The following EIF4G3 variants were observed in gnomAD, a reference collection of about 807,000 sequenced individuals.
EIF4G3 encodes the protein eukaryotic translation initiation factor 4 gamma 3, also known as eIF-4-gamma 3.
In EIF4G3, 34 loss-of-function variants were observed where a neutral mutation model predicts 186.4. The observed-to-expected ratio is 0.18, with a 90% confidence interval of 0.14 to 0.24. The LOEUF is 0.24. EIF4G3 is among the 10% of genes least tolerant of loss of function. The pLI is 1.00. For synonymous variants in EIF4G3, 673 were observed against 679.5 expected, an observed-to-expected ratio of 0.99 and a Z score of 0.15; for missense variants, 1,536 against 1,948.5, an observed-to-expected ratio of 0.79 and a Z score of 3.99.
intron 24 of EIF4G3, 145 bp downstream of exon 24, chr1:20,860,240 T>A: frequency 9.2e-7 from 1 of 1,087,822 alleles, no homozygotes; most frequent in Non-Finnish European, 1.3e-6. Context: ...ACTTTACTCT[T>A]CAGGTGAAAC....
Position 20,980,416 on chromosome 1 carries a change from G to T in EIF4G3, c.411C>A (p.Pro137=). ...YRHSGPPYVG[P]PQQYPVQPPG... ...GTGGTTGAACTGGATATTGTTGGGG[G>T]GGCCCAACATAAGGAGGGCCACTAT... The change falls in exon 10 of 37, where the codon CCC becomes CCA. Residue 137 remains proline (P), a synonymous_variant. Coordinates refer to ENST00000602326, the MANE Select transcript of EIF4G3 (RefSeq NM_001391906.1). 2 of 1,544,738 alleles carry T rather than the reference G, an allele frequency of 1.3e-6. No individual in the cohort carries two copies. Among genetic ancestry groups the T allele is most frequent in the Non-Finnish European group, 1.7e-6 (2 of 1,156,848 alleles).
At chr1:20,899,668 G>A in intron 16 of EIF4G3, 29 bp downstream of exon 16, 1 of 1,612,186 alleles carries the variant, frequency 6.2e-7, no homozygotes, top group Non-Finnish European at 8.5e-7. Flanking sequence ...GGGATAAAGA[G>A]GTACATAGGA....
chr1:21,166,595 G>T (rs12096895), intron 2 of EIF4G3, among the ~76,000 whole-genome samples: 4 of 151,952 alleles, frequency 2.6e-5, no homozygotes, highest in Non-Finnish European at 1.5e-5. Context: ...ATGTGGTGGC[G>T]TGCACCTGTA....
Position 20,942,138 on chromosome 1 carries a change from G to C in EIF4G3, c.1016C>G (p.Thr339Ser), listed in dbSNP as rs748622861. The change falls in exon 14 of 37, where the codon ACC becomes AGC. Residue 339 changes from threonine to serine, a missense_variant. Thr to Ser is a moderately conservative substitution (Grantham distance 58). Transcript: ENST00000602326. Reference protein sequence around the residue: ...SVARSTIAAPTSSALSSQPIF... With the variant: ...SVARSTIAAPSSSALSSQPIF... Reference sequence around the variant, plus strand: ...TGGTTGGCTACTAAGAGCAGAAGAGGTGGGGGCTGCAATTGTACTTCGAGC... The same window carrying C: ...TGGTTGGCTACTAAGAGCAGAAGAGCTGGGGGCTGCAATTGTACTTCGAGC... 1 of 1,614,138 alleles carries C rather than the reference G, an allele frequency of 6.2e-7. No homozygotes were observed. Among genetic ancestry groups the C allele is most frequent in the Non-Finnish European group, 8.5e-7 (1 of 1,180,000 alleles).
At chr1:21,168,073 C>T (rs1206334883) in intron 2 of EIF4G3, 3 of 470,126 alleles carry the variant, frequency 6.4e-6, no homozygotes, top group Non-Finnish European at 1.3e-5. Context: ...AAAAAGTTCA[C>T]TTATATTTCA....
intron 3 of EIF4G3, 80 bp from the exon 4 acceptor site, chr1:21,051,074 T>C (rs1480859391): frequency 2.9e-6 from 2 of 694,482 alleles, no homozygotes; most frequent in Non-Finnish European, 5.3e-6. Context: ...ATCTGATTTT[T>C]AATTGGATTT....
At chr1:20,892,951 A>G (rs2154555733) in intron 18 of EIF4G3, among the ~76,000 whole-genome samples, 1 of 152,134 alleles carries the variant, frequency 6.6e-6, no homozygotes, top group East Asian at 1.9e-4. Context: ...TTTGTCACCC[A>G]GACTGGAGTG....
intron 3 of EIF4G3, among the ~76,000 whole-genome samples, chr1:21,062,810 T>G (rs2094994059): frequency 6.6e-6 from 1 of 152,122 alleles, no homozygotes; most frequent in Non-Finnish European, 1.5e-5. Flanking sequence ...AGGCTGGTCT[T>G]GAACTCCTGA....
At chr1:20,868,237 C>T (rs1392611327) in intron 20 of EIF4G3, among the ~76,000 whole-genome samples, 1 of 151,734 alleles carries the variant, frequency 6.6e-6, no homozygotes, top group Non-Finnish European at 1.5e-5. Flanking sequence ...CCTTAATCTG[C>T]TTGGGCTGCT....
intron 12 of EIF4G3, among the ~76,000 whole-genome samples, chr1:20,959,925 TGCTGGTGGGAATGTAAA>T (rs1558444131): frequency 1.3e-5 from 2 of 152,224 alleles, no homozygotes; most frequent in African/African-American, 2.4e-5. Context: ...GCTTATATGC[TGCTGGTGGGAATGTAAA>T]ACTGGTGGGA....
chr1:21,135,950 G>C (rs367660402), intron 2 of EIF4G3, among the ~76,000 whole-genome samples: 37 of 148,904 alleles, frequency 2.5e-4, no homozygotes, highest in Middle Eastern at 7.7e-3. Context: ...TTGGGAGGCC[G>C]AGGCGGGTGG....
intron 33 of EIF4G3, among the ~76,000 whole-genome samples, chr1:20,819,098 A>G (rs1318748821): frequency 2.0e-5 from 3 of 152,234 alleles, no homozygotes. Context: ...GCTCAATATT[A>G]CAATTTTTCT....
chr1:21,163,980 G>A (rs1465209867), intron 2 of EIF4G3, among the ~76,000 whole-genome samples: 1 of 151,966 alleles, frequency 6.6e-6, no homozygotes, highest in Non-Finnish European at 1.5e-5. Flanking sequence ...CTCCATGTCG[G>A]CCAGGCTGGT....
chr1:20,961,177 G>A (rs1158500693), intron 12 of EIF4G3, among the ~76,000 whole-genome samples: 3 of 152,152 alleles, frequency 2.0e-5, no homozygotes, highest in Non-Finnish European at 2.9e-5. Flanking sequence ...GAGGTCAGGA[G>A]ATCAAGACCA....
In EIF4G3 at chr1:21,063,705, T is replaced by G. The variant is rs1202936479; in HGVS notation, c.-195-12711A>C. 1.5e-4 allele frequency among the ~76,000 whole-genome samples: 7 copies of G among 45,532 alleles called. No homozygotes were observed. The South Asian group carries it at 3.5e-3, about 23-fold the overall frequency. The allele number at this position is 45,532 out of a possible 152,430, so 29.9% of individuals were successfully genotyped here. A position where few individuals can be genotyped will look rare whatever the true frequency, so the allele number is the denominator to read the frequency against. On this transcript the variant is annotated intron_variant, in intron 3 of 36. Transcript: ENST00000602326. The stretch of plus-strand genomic sequence containing the variant: ...GTTTTTCCTGTCATACTTTTCATTT[T>G]GGGGGGGGGGGTGTTGGGGGGGGGG...
chr1:21,105,266 C>CA (rs1298435502), intron 2 of EIF4G3, among the ~76,000 whole-genome samples: 4 of 151,900 alleles, frequency 2.6e-5, no homozygotes, highest in Non-Finnish European at 5.9e-5. Context: ...CTACTAAAAA[C>CA]AAAAAATACA....
At chr1:21,129,214 C>T (rs952905875) in intron 2 of EIF4G3, among the ~76,000 whole-genome samples, 3 of 151,922 alleles carry the variant, frequency 2.0e-5, no homozygotes, top group Admixed American at 6.6e-5. Context: ...ACTCCAGAGA[C>T]TGAGGCAAGA....
chr1:21,015,112 G>A (rs2088543062), intron 4 of EIF4G3, among the ~76,000 whole-genome samples: 1 of 151,400 alleles, frequency 6.6e-6, no homozygotes, highest in African/African-American at 2.4e-5. Context: ...ACAAATTCTG[G>A]AGCTGAAAAA....
At chr1:21,112,992 A>T (rs1481626502) in intron 2 of EIF4G3, among the ~76,000 whole-genome samples, 1 of 152,070 alleles carries the variant, frequency 6.6e-6, no homozygotes, top group Admixed American at 6.6e-5. Flanking sequence ...AATCAGAAAC[A>T]TATAAATATT....
Sources: gnomAD v4.1 joint callset for allele counts (sites outside exome capture counted in the v4.1 genomes callset) on GRCh38, gnomAD v4.1.1 for gene constraint, MANE v1.5 for transcripts, NCBI Gene and HGNC (gene_info 2026-07-23, HGNC 2026-07-21) for gene names.